Variants in CACNA2D3 observed in about 807,000 individuals in gnomAD.
The protein encoded by CACNA2D3 is calcium voltage-gated channel auxiliary subunit alpha2delta 3, also known as voltage-dependent calcium channel subunit alpha-2/delta-3.
A neutral mutation model predicts 160.6 loss-of-function variants in CACNA2D3; 60 were observed. The ratio of observed to expected loss-of-function variants is 0.37; its 90% CI spans 0.30 to 0.46. The LOEUF is 0.46. CACNA2D3 is among the 20% of genes least tolerant of loss of function. CACNA2D3 has a pLI of 1.00. For missense variants in CACNA2D3, 1,205 were observed against 1,365.0 expected, an observed-to-expected ratio of 0.88 and a Z score of 1.85; for synonymous variants, 558 against 492.9, an observed-to-expected ratio of 1.13 and a Z score of -1.75.
chr3:54,798,856 A>G (rs1702924032), intron 13 of CACNA2D3, among the ~76,000 whole-genome samples: 1 of 152,194 alleles, frequency 6.6e-6, no homozygotes, highest in Non-Finnish European at 1.5e-5. Flanking sequence ...GTCTTGGGAC[A>G]TGTTCCCTGT....
At chr3:55,017,876 T>G (rs1226876520) in intron 34 of CACNA2D3, among the ~76,000 whole-genome samples, 2 of 152,232 alleles carry the variant, frequency 1.3e-5, no homozygotes, top group Non-Finnish European at 2.9e-5. Context: ...TTTTATACAT[T>G]TATTCAGATA....
chr3:54,793,462 G>A lies in CACNA2D3; in HGVS notation c.1381-23391G>A, dbSNP rs533098450. The stretch of plus-strand genomic sequence containing the variant: ...GTAGGCAATGGGGATATATCTGTGC[G>A]AGAGGTTTAATAATGAGATGGTTTG... On this transcript the variant is annotated intron_variant, in intron 13 of 37. Transcript: ENST00000474759. 4.6e-5 allele frequency among the ~76,000 whole-genome samples: 7 copies of A among 152,326 alleles called. No individual in the cohort carries two copies. The East Asian group carries it at 1.3e-3, about 29-fold the overall frequency.
At chr3:55,040,792 T>A (rs990802395) in intron 35 of CACNA2D3, among the ~76,000 whole-genome samples, 7 of 152,172 alleles carry the variant, frequency 4.6e-5, no homozygotes, top group Non-Finnish European at 8.8e-5. Flanking sequence ...TGAGGAGTGC[T>A]TTTTTCAGTT....
chr3:54,598,260 A>G (rs368967918), intron 9 of CACNA2D3, among the ~76,000 whole-genome samples: 2 of 135,740 alleles, frequency 1.5e-5, no homozygotes, highest in African/African-American at 5.4e-5. Flanking sequence ...GTGAGCCGAG[A>G]TCATGCCACC....
Position 54,816,846 on chromosome 3 carries a change from C to G in CACNA2D3, c.1381-7C>G. On this transcript the variant is annotated splice_polypyrimidine_tract_variant and splice_region_variant and intron_variant, in intron 13 of 37. Coordinates refer to ENST00000474759, the MANE Select transcript of CACNA2D3 (RefSeq NM_018398.3). ...CTTTTTTGTTTTGTTTTGTTTTCCC[C>G]CTTCAGCTCCCTCAGGCACAAAAGG... is the stretch of plus-strand genomic sequence containing the variant. 6.2e-7 allele frequency: 1 copy of G among 1,613,388 alleles called. No homozygotes were observed.
intron 11 of CACNA2D3, among the ~76,000 whole-genome samples, chr3:54,733,487 G>A (rs1417569706): frequency 6.6e-6 from 1 of 152,176 alleles, no homozygotes; most frequent in Non-Finnish European, 1.5e-5. Flanking sequence ...AGCTGGTTAT[G>A]AAAATTCTAT....
At chr3:54,156,869 C>T (rs1205824882) in intron 2 of CACNA2D3, among the ~76,000 whole-genome samples, 1 of 152,210 alleles carries the variant, frequency 6.6e-6, no homozygotes, top group African/African-American at 2.4e-5. Context: ...AGCCCTTCCC[C>T]AATTCCTGAC....
intron 2 of CACNA2D3, among the ~76,000 whole-genome samples, chr3:54,240,392 G>T (rs1701953866): frequency 6.6e-6 from 1 of 152,126 alleles, no homozygotes; most frequent in Non-Finnish European, 1.5e-5. Flanking sequence ...GTAATTACTA[G>T]ATATAATAAT....
intron 10 of CACNA2D3, chr3:54,632,932 C>T (rs759182547): frequency 2.6e-5 from 4 of 152,156 alleles, no homozygotes; most frequent in Non-Finnish European, 5.9e-5. Context: ...GGTGTGATAG[C>T]GGAGTTTCCA....
chr3:54,878,438 A>T (rs1699715152), intron 18 of CACNA2D3, among the ~76,000 whole-genome samples: 1 of 152,130 alleles, frequency 6.6e-6, no homozygotes. Context: ...CAGGACCTCC[A>T]AAAAATCAGA....
At chr3:54,550,530 G>C (rs1383977721) in intron 5 of CACNA2D3, among the ~76,000 whole-genome samples, 2 of 152,242 alleles carry the variant, frequency 1.3e-5, no homozygotes, top group East Asian at 3.8e-4. Context: ...TCATGCTGCT[G>C]ATGATACAGT....
chr3:54,917,040 CTCTG>C (rs1700679893), intron 27 of CACNA2D3, among the ~76,000 whole-genome samples: 2 of 152,202 alleles, frequency 1.3e-5, no homozygotes, highest in African/African-American at 4.8e-5. Context: ...TCCATAACTT[CTCTG>C]TCCTCTCTTC....
At chr3:54,287,621 A>G (rs1703067405) in intron 2 of CACNA2D3, among the ~76,000 whole-genome samples, 2 of 143,312 alleles carry the variant, frequency 1.4e-5, no homozygotes, top group South Asian at 2.4e-4. Context: ...AACAGAATAT[A>G]CATTTTTTTC....
chr3:54,205,875 A>G (rs2107355759), intron 2 of CACNA2D3, among the ~76,000 whole-genome samples: 1 of 152,322 alleles, frequency 6.6e-6, no homozygotes, highest in South Asian at 2.1e-4. Context: ...ATGCCTACCT[A>G]GTTAAATTTG....
intron 2 of CACNA2D3, among the ~76,000 whole-genome samples, chr3:54,130,250 C>A (rs1293274089): frequency 6.6e-6 from 1 of 152,182 alleles, no homozygotes; most frequent in Non-Finnish European, 1.5e-5. Context: ...CCTCTCAGCT[C>A]CATTCAGTCT....
At chr3:54,887,534 C>A (rs1699954613) in intron 23 of CACNA2D3, among the ~76,000 whole-genome samples, 1 of 152,086 alleles carries the variant, frequency 6.6e-6, no homozygotes, top group African/African-American at 2.4e-5. Flanking sequence ...ATCTCTTTCC[C>A]ATGTGACAAC....
At chr3:55,073,912 G>C (rs1274280267) in intron 37 of CACNA2D3, 53 bp downstream of exon 37, 3 of 1,423,618 alleles carry the variant, frequency 2.1e-6, no homozygotes, top group Non-Finnish European at 3.0e-6. Context: ...CACCACGAGA[G>C]TCTCACACTG....
At position 55,015,161 on chromosome 3, in the gene CACNA2D3, C is replaced by T. The variant is rs145709846; in HGVS notation, c.2876-3045C>T. ...GCAATTATCAGGCTTATTCAAATCA[C>T]GTGTGCTGCCTATCTCAGCCTGACC... On this transcript the variant is annotated intron_variant, in intron 34 of 37. Transcript: ENST00000474759. Among the ~76,000 whole-genome samples, 12 of 152,306 alleles carry T rather than the reference C, an allele frequency of 7.9e-5. No homozygotes were observed. The Middle Eastern group carries it at 0.01, about 130-fold the overall frequency.
At chr3:54,821,770 A>G (rs928019831) in intron 14 of CACNA2D3, among the ~76,000 whole-genome samples, 4 of 145,290 alleles carry the variant, frequency 2.8e-5, no homozygotes, top group Non-Finnish European at 4.5e-5. Flanking sequence ...CTTAGGTACA[A>G]ATTTGTACAA....
Sources: gnomAD v4.1 joint callset for allele counts (sites outside exome capture counted in the v4.1 genomes callset) on GRCh38, gnomAD v4.1.1 for gene constraint, MANE v1.5 for transcripts, NCBI Gene and HGNC (gene_info 2026-07-23, HGNC 2026-07-21) for gene names.